Variants in FUCA2 observed in about 807,000 individuals in gnomAD.
FUCA2 encodes alpha-L-fucosidase 2.
FUCA2 carries 41 observed loss-of-function variants against 52.6 expected under a neutral mutation model. The ratio of observed to expected loss-of-function variants is 0.78; its 90% CI spans 0.61 to 1.01. The LOEUF is 1.01. Ranked by LOEUF, FUCA2 falls within the 50% of genes least tolerant of loss-of-function variation. FUCA2 has a pLI of 0.00. For synonymous variants in FUCA2, 211 were observed against 217.3 expected, an observed-to-expected ratio of 0.97 and a Z score of 0.26; for missense variants, 507 against 569.5, an observed-to-expected ratio of 0.89 and a Z score of 1.12.
chr6:143,498,685 C>A (rs906530381), intron 5 of FUCA2, among the ~76,000 whole-genome samples: 1 of 152,054 alleles, frequency 6.6e-6, no homozygotes, highest in South Asian at 2.1e-4. Context: ...CCCTTGTAAG[C>A]ATCTATGGGA....
At position 143,502,955 on chromosome 6, in the gene FUCA2, T is replaced by C. The variant is rs1780550778; in HGVS notation, c.753-390A>G. On this transcript the variant is annotated intron_variant, in intron 3 of 6. Transcript: ENST00000002165. This position sits in a 1 kb window ranked among gnomAD's most constrained non-coding sequence, Gnocchi z 4.1. ...ACTGAATTTATACCCAAGACACTTT[T>C]CTTTTCAATGATTCAATGATCTCAT... 1 of 166,684 alleles carries C rather than the reference T, an allele frequency of 6.0e-6. No individual in the cohort carries two copies. The highest frequency in any genetic ancestry group is 1.5e-4 in the South Asian group (1 of 6,520). The allele number at this position is 166,684 out of a possible 1,614,324, so 10.3% of individuals were successfully genotyped here.
At position 143,499,780 on chromosome 6, in the gene FUCA2, G is replaced by T. The variant is rs1299318170; in HGVS notation, c.1154+2152C>A. On this transcript the variant is annotated intron_variant, in intron 5 of 6. Coordinates refer to ENST00000002165, the MANE Select transcript of FUCA2 (RefSeq NM_032020.5). This position sits in a 1 kb window ranked among gnomAD's most constrained non-coding sequence, Gnocchi z 6.0. ...GTGGGCCTTGAGAAGAGCAATTCTG[G>T]AGTGTGGGGGTGGAAGCTCGACCAG... Among the ~76,000 whole-genome samples, 1 of 152,140 alleles carries T rather than the reference G, an allele frequency of 6.6e-6. No individual in the cohort carries two copies. Among genetic ancestry groups the T allele is most frequent in the Non-Finnish European group, 1.5e-5 (1 of 68,036 alleles).
intron 2 of FUCA2, chr6:143,506,437 TC>T (rs1182705138): frequency 6.6e-6 from 1 of 152,080 alleles, no homozygotes; most frequent in Non-Finnish European, 1.5e-5. Context: ...CAAATGATCC[TC>T]CTTCCTCGGC....
In FUCA2 at chr6:143,495,503, T is replaced by G. The variant is rs1322944489; in HGVS notation, c.*204A>C. ...GGAAACAAATCAATGTGAAGAGACTTTAATGGCAAAGTGCACTGGAGAGTT... is the reference window on the plus strand; with the variant it reads ...GGAAACAAATCAATGTGAAGAGACTGTAATGGCAAAGTGCACTGGAGAGTT... On this transcript the variant is annotated 3_prime_UTR_variant, in exon 7 of 7. Transcript: ENST00000002165. The surrounding 1 kb of genome is among the most constrained non-coding windows in gnomAD (Gnocchi z 5.2). The G allele has an allele frequency of 1.7e-5, 8 of 475,988 alleles. No homozygotes were observed. The highest frequency in any genetic ancestry group is 2.2e-5 in the Non-Finnish European group (6 of 272,148). 29.5% of individuals were successfully genotyped at this position (475,988 alleles called of 1,614,324 possible). A position where few individuals can be genotyped will look rare whatever the true frequency, so the allele number is the denominator to read the frequency against.
At position 143,501,294 on chromosome 6, in the gene FUCA2, G is replaced by C. The variant is rs759706800; in HGVS notation, c.1154+638C>G. Among the ~76,000 whole-genome samples the C allele has an allele frequency of 6.6e-6, 1 of 152,120 alleles. No individual in the cohort carries two copies. Among genetic ancestry groups the C allele is most frequent in the African/African-American group, 2.4e-5 (1 of 41,406 alleles). The stretch of plus-strand genomic sequence containing the variant: ...TGAAGAACAATTAGTCTAATCTTTC[G>C]GTTCCTATTTGATCAGACAGTACTC... On this transcript the variant is annotated intron_variant, in intron 5 of 6. Transcript: ENST00000002165. This position sits in a 1 kb window ranked among gnomAD's most constrained non-coding sequence, Gnocchi z 6.1.
rs775353690 is a variant in FUCA2, at chr6:143,507,303, G to A, written c.346C>T (p.Gln116Ter). ...LFTAKFFNAN[Q>*]WADIFQASGA... ...GAGGCCTGAAAAATATCTGCCCACT[G>A]GTTGGCATTAAAAAATTTTGCTGTA... Residue 116 changes from glutamine to a stop codon, truncating the protein, a stop_gained, in exon 2 of 7, where the codon CAG becomes TAG. Coordinates refer to ENST00000002165, the MANE Select transcript of FUCA2 (RefSeq NM_032020.5). LOFTEE classifies it high-confidence loss of function. The surrounding 1 kb of genome is among the most constrained non-coding windows in gnomAD (Gnocchi z 4.5). 3.7e-6 allele frequency: 6 copies of A among 1,606,788 alleles called. No homozygotes were observed. Among genetic ancestry groups the A allele is most frequent in the Non-Finnish European group, 4.2e-6 (5 of 1,177,614 alleles).
In FUCA2 at chr6:143,509,443, T is replaced by C. The variant is rs1234345999; in HGVS notation, c.224+1968A>G. On this transcript the variant is annotated intron_variant, in intron 1 of 6. Transcript: ENST00000002165. The surrounding 1 kb of genome is among the most constrained non-coding windows in gnomAD (Gnocchi z 5.4). ...GTCAAAATAACCATGGGTTTATCTG[T>C]AGAAAATGAAGTTATTCATAGCAAA... Among the ~76,000 whole-genome samples, 1 of 152,232 alleles carries C rather than the reference T, an allele frequency of 6.6e-6. No individual in the cohort carries two copies. Among genetic ancestry groups the C allele is most frequent in the African/African-American group, 2.4e-5 (1 of 41,460 alleles).
Position 143,511,068 on chromosome 6 carries a change from T to G in FUCA2, c.224+343A>C, listed in dbSNP as rs1241002682. Among the ~76,000 whole-genome samples the G allele has an allele frequency of 1.3e-5, 2 of 152,218 alleles. No homozygotes were observed. Among genetic ancestry groups the G allele is most frequent in the Admixed American group, 1.3e-4 (2 of 15,284 alleles). On this transcript the variant is annotated intron_variant, in intron 1 of 6. Transcript: ENST00000002165. The surrounding 1 kb of genome is among the most constrained non-coding windows in gnomAD (Gnocchi z 6.3). ...CATTGTGCCTGAGTCACCGCTCGTGTGATGCCCCTGCACAAACTGATGAAT... is the reference window on the plus strand; with the variant it reads ...CATTGTGCCTGAGTCACCGCTCGTGGGATGCCCCTGCACAAACTGATGAAT...
rs1277470284 is a variant in FUCA2 at position 143,504,330 on chromosome 6, C to T, written c.413-78G>A. The T allele has an allele frequency of 3.3e-6, 4 of 1,211,088 alleles. No homozygotes were observed. The highest frequency in any genetic ancestry group is 2.3e-5 in the East Asian group (1 of 42,838). The allele number at this position is 1,211,088 out of a possible 1,614,324, so 75.0% of individuals were successfully genotyped here. ...ATTTCAACCCACACAAATGCCCAAA[C>T]AAATCACATAGTACATGCGATATAT... On this transcript the variant is annotated intron_variant, in intron 2 of 6. Transcript: ENST00000002165. This position sits in a 1 kb window ranked among gnomAD's most constrained non-coding sequence, Gnocchi z 4.4.
rs1780622440 is a variant in FUCA2, at chr6:143,507,371, T to C, written c.278A>G (p.Asn93Ser). The C allele has an allele frequency of 6.2e-7, 1 of 1,605,412 alleles. No individual in the cohort carries two copies. Among genetic ancestry groups the C allele is most frequent in the African/African-American group, 1.3e-5 (1 of 74,246 alleles). The change falls in exon 2 of 7, where the codon AAT becomes AGT. Residue 93 changes from asparagine to serine, a missense_variant. Coordinates refer to ENST00000002165, the MANE Select transcript of FUCA2 (RefSeq NM_032020.5). The surrounding 1 kb of genome is among the most constrained non-coding windows in gnomAD (Gnocchi z 4.5). ...IPKYVEFMKD[N>S]YPPSFKYEDF... ...TTCATATTTGAAACTAGGAGGGTAA[T>C]TATCTTTCATAAATTCCACATACTT... is the stretch of plus-strand genomic sequence containing the variant.
At position 143,507,179 on chromosome 6, in the gene FUCA2, G is replaced by T; in HGVS notation, c.412+58C>A. ...CTTGCTTTAGTTTTTTCTTCCAAAA[G>T]AACAACTTTTCATTTCTTAACCATT... On this transcript the variant is annotated intron_variant, in intron 2 of 6. Coordinates refer to ENST00000002165, the MANE Select transcript of FUCA2 (RefSeq NM_032020.5). This position sits in a 1 kb window ranked among gnomAD's most constrained non-coding sequence, Gnocchi z 4.5. 6.7e-7 allele frequency: 1 copy of T among 1,495,456 alleles called. No homozygotes were observed. The highest frequency in any genetic ancestry group is 9.0e-7 in the Non-Finnish European group (1 of 1,107,920). 92.6% of individuals were successfully genotyped at this position (1,495,456 alleles called of 1,614,324 possible).
At chr6:143,506,626 T>C (rs181631873) in intron 2 of FUCA2, 1 of 152,316 alleles carries the variant, frequency 6.6e-6, no homozygotes, top group Admixed American at 6.5e-5. Flanking sequence ...GTGGAATCCA[T>C]TCTATTAAAA....
chr6:143,498,326 T>C (rs1221051591), intron 5 of FUCA2, among the ~76,000 whole-genome samples: 2 of 152,154 alleles, frequency 1.3e-5, no homozygotes, highest in Non-Finnish European at 2.9e-5. Context: ...GAAATTAGAA[T>C]CAACAAATAT....
chr6:143,497,797 A>C lies in FUCA2; in HGVS notation c.1155-300T>G, dbSNP rs112057553. ...TAAGGGGACAGGATGCAAGAGCTTCATGGCTTTTCATGTATTATTCAAATT... is the reference window on the plus strand; with the variant it reads ...TAAGGGGACAGGATGCAAGAGCTTCCTGGCTTTTCATGTATTATTCAAATT... On this transcript the variant is annotated intron_variant, in intron 5 of 6. Transcript: ENST00000002165. This position sits in a 1 kb window ranked among gnomAD's most constrained non-coding sequence, Gnocchi z 5.3. Among the ~76,000 whole-genome samples, 749 of 152,334 alleles carry C rather than the reference A, an allele frequency of 4.9e-3. 3 individuals carry two copies. The highest frequency in any genetic ancestry group is 0.017 in the Middle Eastern group (5 of 294).
intron 6 of FUCA2, chr6:143,496,475 G>A (rs1342731888): frequency 6.6e-6 from 1 of 152,088 alleles, no homozygotes; most frequent in Non-Finnish European, 1.5e-5. Flanking sequence ...CTACTAAGCT[G>A]TAATTAAACA....
rs563713477 is a variant in FUCA2, at chr6:143,510,712, C to G, written c.224+699G>C. On this transcript the variant is annotated intron_variant, in intron 1 of 6. Transcript: ENST00000002165. The surrounding 1 kb of genome is among the most constrained non-coding windows in gnomAD (Gnocchi z 4.4). The stretch of plus-strand genomic sequence containing the variant: ...CACAAAATATTTCTGTTTTGAAGGA[C>G]TTAATACTTGTAGCATTTAGTCAGA... Among the ~76,000 whole-genome samples, 3 of 151,360 alleles carry G rather than the reference C, an allele frequency of 2.0e-5. No homozygotes were observed. The highest frequency in any genetic ancestry group is 7.3e-5 in the African/African-American group (3 of 41,058).
chr6:143,507,431 G>C lies in FUCA2; in HGVS notation c.225-7C>G. The C allele has an allele frequency of 1.3e-6, 2 of 1,574,882 alleles. No homozygotes were observed. The highest frequency in any genetic ancestry group is 1.7e-6 in the Non-Finnish European group (2 of 1,166,676). Reference sequence around the variant, plus strand: ...TTCCTTTTGCCAATACCACCTAAGGGGAGGAAAGGAAAGAGTGCATAAACA... The same window carrying C: ...TTCCTTTTGCCAATACCACCTAAGGCGAGGAAAGGAAAGAGTGCATAAACA... On this transcript the variant is annotated splice_region_variant and splice_polypyrimidine_tract_variant and intron_variant, in intron 1 of 6. Coordinates refer to ENST00000002165, the MANE Select transcript of FUCA2 (RefSeq NM_032020.5). This position sits in a 1 kb window ranked among gnomAD's most constrained non-coding sequence, Gnocchi z 4.5.
At position 143,503,923 on chromosome 6, in the gene FUCA2, A is replaced by C; in HGVS notation, c.742T>G (p.Tyr248Asp). Residue 248 changes from tyrosine (Y) to aspartate (D), a missense_variant, in exon 3 of 7, where the codon TAT (tyrosine) becomes GAT (aspartate). Physicochemically the swap from Tyr to Asp is radical, Grantham distance 160 (BLOSUM62 -3). Transcript: ENST00000002165. This position sits in a 1 kb window ranked among gnomAD's most constrained non-coding sequence, Gnocchi z 4.8. ...WNSTGFLAWL[Y>D]NESPVRGTVV... ...TCATAGCATACACACCTTTCATTAT[A>C]TAACCAGGCCAAGAAGCCTGTGCTG... The C allele has an allele frequency of 3.1e-6, 5 of 1,612,034 alleles. No individual in the cohort carries two copies. Among genetic ancestry groups the C allele is most frequent in the Non-Finnish European group, 4.2e-6 (5 of 1,178,682 alleles).
At position 143,497,114 on chromosome 6, in the gene FUCA2, C is replaced by T; in HGVS notation, c.1263+275G>A. 1 of 345,090 alleles carries T rather than the reference C, an allele frequency of 2.9e-6. No individual in the cohort carries two copies. The highest frequency in any genetic ancestry group is 2.1e-5 in the African/African-American group (1 of 46,776). 21.4% of individuals were successfully genotyped at this position (345,090 alleles called of 1,614,324 possible). On this transcript the variant is annotated intron_variant, in intron 6 of 6. Transcript: ENST00000002165. This position sits in a 1 kb window ranked among gnomAD's most constrained non-coding sequence, Gnocchi z 5.3. ...AACTAGGACTACAGGTGCGTGCCAC[C>T]ATGCTCAGCTAACTTTAAAAAAAAT... is the stretch of plus-strand genomic sequence containing the variant.
Sources: gnomAD v4.1 joint callset for allele counts (sites outside exome capture counted in the v4.1 genomes callset) on GRCh38, gnomAD v4.1.1 for gene constraint, Gnocchi (gnomAD v3.1) non-coding constraint, MANE v1.5 for transcripts, NCBI Gene and HGNC (gene_info 2026-07-23, HGNC 2026-07-21) for gene names.